ZNF451: variants seen among roughly 807,000 people sequenced by gnomAD.
ZNF451 encodes zinc finger protein 451, also known as E3 SUMO-protein ligase ZNF451.
ZNF451 carries 80 observed loss-of-function variants against 107.1 expected under a neutral mutation model. The observed-to-expected ratio is 0.75, with a 90% CI of 0.62 to 0.90. The LOEUF (loss-of-function observed/expected upper bound fraction) is 0.90. Ranked by LOEUF, ZNF451 falls within the 40% of genes least tolerant of loss-of-function variation. ZNF451 has a pLI of 0.00. For synonymous variants in ZNF451, 362 were observed against 406.5 expected (o/e 0.89, Z 1.32); for missense variants, 1,107 against 1,236.2 (o/e 0.90, Z 1.57).
chr6:57,134,753 C>T lies in ZNF451; in HGVS notation c.585C>T (p.His195=). Residue 195 remains histidine, a synonymous_variant, in exon 7 of 15, where the codon CAC becomes CAT. Transcript: ENST00000370706. The part of the protein sequence containing the change: ...LLLGHLKRFD[H]SPCDPTITLH... ...CTCTTTTGCTGAGTAGGTTCGATCA[C>T]TCTCCATGTGATCCAACAATTACAC... The T allele has an allele frequency of 2.5e-6, 4 of 1,613,072 alleles. No homozygotes were observed. Among genetic ancestry groups the T allele is most frequent in the South Asian group, 2.2e-5 (2 of 91,020 alleles).
intron 3 of ZNF451, among the ~76,000 whole-genome samples, chr6:57,114,297 A>C (rs551672424): frequency 6.6e-6 from 1 of 152,206 alleles, no homozygotes; most frequent in South Asian, 2.1e-4. Flanking sequence ...TTAAGTTTCA[A>C]CTTTTAATTT....
At chr6:57,163,489 C>T (rs371114171) in intron 14 of ZNF451, among the ~76,000 whole-genome samples, 12 of 90,166 alleles carry the variant, frequency 1.3e-4, no homozygotes, top group Admixed American at 6.7e-4. Flanking sequence ...CTCGCTCTGT[C>T]GCCCAGGCTG....
At position 57,167,066 on chromosome 6, in the gene ZNF451, A is replaced by G. The variant is rs112396862; in HGVS notation, c.3140-1357A>G. ...GTTTGATTTATGATTTTTTTACTTT[A>G]TAAGGATGTGAAAGCAATATGCATT... On this transcript the variant is annotated intron_variant, in intron 14 of 14. Transcript: ENST00000370706. Among the ~76,000 whole-genome samples, 1,227 of 152,240 alleles carry G rather than the reference A, an allele frequency of 8.1e-3. 13 individuals carry two copies. Among genetic ancestry groups the G allele is most frequent in the African/African-American group, 0.028 (1,168 of 41,530 alleles).
intron 2 of ZNF451, among the ~76,000 whole-genome samples, chr6:57,096,585 G>T (rs951722291): frequency 1.5e-5 from 2 of 130,128 alleles, no homozygotes; most frequent in African/African-American, 5.9e-5. Context: ...CTCTGCCTCT[G>T]TGTATTTCTG....
At chr6:57,104,298 A>G in intron 3 of ZNF451, 1 of 985,384 alleles carries the variant, frequency 1.0e-6, no homozygotes, top group Non-Finnish European at 1.2e-6. Flanking sequence ...TTGGCACTGT[A>G]GTTTTATCTT....
chr6:57,165,555 G>A (rs1763860909), intron 14 of ZNF451: 1 of 152,044 alleles, frequency 6.6e-6, no homozygotes, highest in South Asian at 2.1e-4. Context: ...AATTCATTAA[G>A]CCCCTCTAAA....
chr6:57,123,911 A>G (rs879843114), intron 3 of ZNF451, among the ~76,000 whole-genome samples: 1 of 152,186 alleles, frequency 6.6e-6, no homozygotes, highest in Non-Finnish European at 1.5e-5. Flanking sequence ...TCCAGGAATG[A>G]TTTTGTTAAT....
intron 2 of ZNF451, among the ~76,000 whole-genome samples, chr6:57,096,950 A>G (rs1224144533): frequency 6.6e-6 from 1 of 151,180 alleles, no homozygotes; most frequent in Non-Finnish European, 1.5e-5. Context: ...TCCTATTTTT[A>G]GTGGAGACAG....
chr6:57,103,286 CTG>C (rs1403231657), intron 3 of ZNF451: 2 of 985,278 alleles, frequency 2.0e-6, no homozygotes, highest in African/African-American at 3.5e-5. Flanking sequence ...CCACACAGCT[CTG>C]TTTCTGGATA....
chr6:57,143,864 G>C (rs1445465419), intron 9 of ZNF451, among the ~76,000 whole-genome samples: 1 of 152,090 alleles, frequency 6.6e-6, no homozygotes, highest in African/African-American at 2.4e-5. Flanking sequence ...AATATTATTT[G>C]GCCATGAAAA....
intron 3 of ZNF451, among the ~76,000 whole-genome samples, chr6:57,121,791 A>C (rs539619974): frequency 6.6e-6 from 1 of 152,232 alleles, no homozygotes; most frequent in African/African-American, 2.4e-5. Flanking sequence ...TATCATTAAA[A>C]TGGCCATTCT....
chr6:57,108,490 C>T (rs1218240431), intron 3 of ZNF451: 1 of 985,266 alleles, frequency 1.0e-6, no homozygotes, highest in South Asian at 4.7e-5. Flanking sequence ...AAAACGTTTC[C>T]CCAAGTCACT....
At position 57,146,749 on chromosome 6, in the gene ZNF451, A is replaced by G. The variant is rs1832083539; in HGVS notation, c.1005-341A>G. Among the ~76,000 whole-genome samples the G allele has an allele frequency of 2.6e-5, 4 of 152,334 alleles. No homozygotes were observed. In the South Asian group the frequency reaches 6.2e-4, roughly 24 times the overall value. On this transcript the variant is annotated intron_variant, in intron 9 of 14. Coordinates refer to ENST00000370706, the MANE Select transcript of ZNF451 (RefSeq NM_001031623.3). ...TCTTAACCATAGTGTTCTTACATAC[A>G]GTTTAATTACCATGGAGAGTCTAAT... is the stretch of plus-strand genomic sequence containing the variant.
intron 13 of ZNF451, among the ~76,000 whole-genome samples, chr6:57,159,894 C>T (rs1018830771): frequency 4.6e-5 from 7 of 151,930 alleles, no homozygotes; most frequent in Non-Finnish European, 2.9e-5. Context: ...ACAAATATGT[C>T]TATATGATTT....
At chr6:57,158,922 T>C in intron 13 of ZNF451, 1 of 985,464 alleles carries the variant, frequency 1.0e-6, no homozygotes, top group Non-Finnish European at 1.2e-6. Context: ...AAATCCATCT[T>C]ACATATAGAG....
At chr6:57,123,435 C>T (rs1830742144) in intron 3 of ZNF451, among the ~76,000 whole-genome samples, 1 of 152,150 alleles carries the variant, frequency 6.6e-6, no homozygotes, top group Non-Finnish European at 1.5e-5. Flanking sequence ...CATATGTTCT[C>T]ATTTATAAGT....
At chr6:57,166,096 T>C (rs6459180) in intron 14 of ZNF451, among the ~76,000 whole-genome samples, 40,054 of 151,762 alleles carry the variant, frequency 0.26, 5,707 homozygotes, top group African/African-American at 0.36. Context: ...TGTGTGATCT[T>C]GGCTCACTGC....
In ZNF451 at chr6:57,128,713, T is replaced by A; in HGVS notation, c.313-16T>A. 6.3e-7 allele frequency: 1 copy of A among 1,584,382 alleles called. No homozygotes were observed. Among genetic ancestry groups the A allele is most frequent in the African/African-American group, 1.4e-5 (1 of 73,848 alleles). On this transcript the variant is annotated splice_polypyrimidine_tract_variant and intron_variant, in intron 4 of 14. Coordinates refer to ENST00000370706, the MANE Select transcript of ZNF451 (RefSeq NM_001031623.3). ...AGGGTAGTAATCTTAATTGAGTTTTTTCTTAATGTCTTCAGGAAAAAATTG... is the reference window on the plus strand; with the variant it reads ...AGGGTAGTAATCTTAATTGAGTTTTATCTTAATGTCTTCAGGAAAAAATTG...
chr6:57,159,793 G>T (rs1487437029), intron 13 of ZNF451, among the ~76,000 whole-genome samples: 1 of 152,050 alleles, frequency 6.6e-6, no homozygotes, highest in Non-Finnish European at 1.5e-5. Flanking sequence ...TGCAGCAAAA[G>T]AATATAGTGA....
Sources: gnomAD v4.1 joint callset for allele counts (sites outside exome capture counted in the v4.1 genomes callset) on GRCh38, gnomAD v4.1.1 for gene constraint, MANE v1.5 for transcripts, NCBI Gene and HGNC (gene_info 2026-07-23, HGNC 2026-07-21) for gene names.